DAB1: variants seen among roughly 807,000 people sequenced by gnomAD.
DAB1 encodes DAB adaptor protein 1.
In DAB1, 15 loss-of-function variants were observed where a neutral mutation model predicts 64.6. That is an observed-to-expected ratio of 0.23 (90% CI 0.16 to 0.36). DAB1 has a LOEUF of 0.36. Ranked by LOEUF, DAB1 falls within the 10% of genes least tolerant of loss-of-function variation. DAB1 has a pLI of 1.00. For synonymous variants in DAB1, 235 were observed against 251.9 expected, an observed-to-expected ratio of 0.93 and a Z score of 0.64; for missense variants, 596 against 706.7, an observed-to-expected ratio of 0.84 and a Z score of 1.78.
At chr1:58,322,105 A>C (rs1662698631) in intron 4 of DAB1, among the ~76,000 whole-genome samples, 1 of 152,262 alleles carries the variant, frequency 6.6e-6, no homozygotes, top group Non-Finnish European at 1.5e-5. Context: ...TGGATTAAAG[A>C]CTTAAATATT....
chr1:57,492,683 C>T (rs1167176275), intron 7 of DAB1, among the ~76,000 whole-genome samples: 4 of 152,104 alleles, frequency 2.6e-5, no homozygotes, highest in Admixed American at 1.3e-4. Flanking sequence ...ACAGGAAAAC[C>T]CTGGTTTCAA....
intron 2 of DAB1, among the ~76,000 whole-genome samples, chr1:57,155,053 T>A (rs1380656133): frequency 6.6e-6 from 1 of 152,214 alleles, no homozygotes; most frequent in Non-Finnish European, 1.5e-5. Flanking sequence ...CATGGAAATT[T>A]TGCTTTCATT....
At chr1:57,931,060 A>G (rs1239811055) in intron 5 of DAB1, among the ~76,000 whole-genome samples, 2 of 152,178 alleles carry the variant, frequency 1.3e-5, no homozygotes, top group Non-Finnish European at 1.5e-5. Flanking sequence ...TTTATCCTTA[A>G]TAGACATTGG....
At chr1:57,824,037 A>AAT (rs771296298), downstream of DAB1, among the ~76,000 whole-genome samples, 104 of 152,146 alleles carry the variant, frequency 6.8e-4, no homozygotes, top group Non-Finnish European at 3.4e-4. Context: ...AATCATGGCT[A>AAT]ATATATATAT....
At chr1:58,053,794 A>C (rs2100534309) in intron 5 of DAB1, among the ~76,000 whole-genome samples, 1 of 152,308 alleles carries the variant, frequency 6.6e-6, no homozygotes, top group Non-Finnish European at 1.5e-5. Context: ...CTGTATACTT[A>C]CATTTAAATA....
At chr1:58,458,844 G>A (rs1444523072) in intron 3 of DAB1, among the ~76,000 whole-genome samples, 1 of 151,414 alleles carries the variant, frequency 6.6e-6, no homozygotes, top group Non-Finnish European at 1.5e-5. Flanking sequence ...AAAAAAAAAC[G>A]GTTTGCAGTC....
At chr1:58,446,137 G>T (rs1027186509) in intron 3 of DAB1, among the ~76,000 whole-genome samples, 4 of 152,046 alleles carry the variant, frequency 2.6e-5, no homozygotes, top group African/African-American at 9.7e-5. Context: ...GCTCCTCATT[G>T]TAGACTCACC....
At chr1:57,196,845 C>T (rs78625096) in intron 2 of DAB1, among the ~76,000 whole-genome samples, 4,628 of 152,176 alleles carry the variant, frequency 0.03, 263 homozygotes, top group African/African-American at 0.11. Context: ...TTTTAATTGG[C>T]GTTTGAAAGC....
chr1:57,371,586 T>C (rs1680500709), intron 1 of DAB1, among the ~76,000 whole-genome samples: 2 of 152,222 alleles, frequency 1.3e-5, no homozygotes, highest in African/African-American at 4.8e-5. Context: ...GCTCTATGAC[T>C]TGCCTGGCAG....
intron 7 of DAB1, among the ~76,000 whole-genome samples, chr1:57,502,841 A>G (rs1221701531): frequency 6.6e-6 from 1 of 152,234 alleles, no homozygotes; most frequent in Non-Finnish European, 1.5e-5. Flanking sequence ...CCCTTAAAAG[A>G]TAGCTGAGAG....
intron 6 of DAB1, among the ~76,000 whole-genome samples, chr1:57,717,051 C>A (rs1647092234): frequency 6.6e-6 from 1 of 151,864 alleles, no homozygotes; most frequent in Non-Finnish European, 1.5e-5. Flanking sequence ...CCAGGCTGGT[C>A]AACATAGTGA....
intron 1 of DAB1, among the ~76,000 whole-genome samples, chr1:57,415,830 T>A (rs1441360531): frequency 1.3e-5 from 2 of 152,188 alleles, no homozygotes; most frequent in African/African-American, 4.8e-5. Flanking sequence ...TTGTACAGCA[T>A]CTCTTCCTTA....
intron 3 of DAB1, among the ~76,000 whole-genome samples, chr1:58,404,595 G>A (rs1644599391): frequency 6.6e-6 from 1 of 152,152 alleles, no homozygotes. Context: ...AGAGCGGACT[G>A]TTAGGAAAAG....
At chr1:57,547,626 G>T (rs992894615) in intron 7 of DAB1, among the ~76,000 whole-genome samples, 1 of 152,108 alleles carries the variant, frequency 6.6e-6, no homozygotes, top group African/African-American at 2.4e-5. Context: ...TATTGTGAAC[G>T]TATTTACTTT....
intron 3 of DAB1, among the ~76,000 whole-genome samples, chr1:58,441,811 C>T (rs932145996): frequency 6.6e-6 from 1 of 152,158 alleles, no homozygotes; most frequent in Non-Finnish European, 1.5e-5. Context: ...TTACGAAATC[C>T]TCCTCACTGG....
chr1:57,599,141 C>T (rs1645546322), intron 7 of DAB1, among the ~76,000 whole-genome samples: 1 of 150,596 alleles, frequency 6.6e-6, no homozygotes, highest in Non-Finnish European at 1.5e-5. Flanking sequence ...TTAAAGCCTT[C>T]ATTATTAGAG....
intron 3 of DAB1, among the ~76,000 whole-genome samples, chr1:58,388,583 G>A (rs1394798324): frequency 6.6e-6 from 1 of 152,204 alleles, no homozygotes; most frequent in African/African-American, 2.4e-5. Flanking sequence ...ATTTGCTCAA[G>A]CATTTGCACT....
intron 3 of DAB1, among the ~76,000 whole-genome samples, chr1:58,453,150 T>C (rs2100297787): frequency 1.3e-5 from 2 of 152,182 alleles, no homozygotes; most frequent in Middle Eastern, 6.8e-3. Context: ...CCGTGCATGA[T>C]TCCATTTATA....
chr1:58,456,991 C>T (rs1173437758), intron 3 of DAB1, among the ~76,000 whole-genome samples: 3 of 152,192 alleles, frequency 2.0e-5, no homozygotes, highest in Non-Finnish European at 4.4e-5. Context: ...AGAAACCGCT[C>T]AGAAGGAGCA....
Sources: gnomAD v4.1 joint callset for allele counts (sites outside exome capture counted in the v4.1 genomes callset) on GRCh38, gnomAD v4.1.1 for gene constraint, MANE v1.5 for transcripts, NCBI Gene and HGNC (gene_info 2026-07-23, HGNC 2026-07-21) for gene names.